SNX13: variants seen among roughly 807,000 people sequenced by gnomAD.
The protein encoded by SNX13 is sorting nexin 13.
Under a neutral mutation model 133.6 loss-of-function variants are expected in SNX13, and 45 were observed. That is an observed-to-expected ratio of 0.34 (90% CI 0.27 to 0.43). The LOEUF (loss-of-function observed/expected upper bound fraction) is 0.43, where lower values mean the gene tolerates loss of function less well. SNX13 is among the 20% of genes least tolerant of loss of function. SNX13 has a pLI of 1.00. For synonymous variants in SNX13, 414 were observed against 373.9 expected, an observed-to-expected ratio of 1.11 and a Z score of -1.24; for missense variants, 1,032 against 1,145.1, an observed-to-expected ratio of 0.90 and a Z score of 1.43.
chr7:17,929,551 T>TCA (rs1162831340), intron 1 of SNX13, among the ~76,000 whole-genome samples: 2 of 152,124 alleles, frequency 1.3e-5, no homozygotes, highest in Admixed American at 1.3e-4. Flanking sequence ...TTAACACTCC[T>TCA]CACCTTTATG....
At chr7:17,901,829 C>T (rs1464532354) in intron 1 of SNX13, among the ~76,000 whole-genome samples, 1 of 152,132 alleles carries the variant, frequency 6.6e-6, no homozygotes, top group Admixed American at 6.5e-5. Flanking sequence ...GATAGTTGTT[C>T]AATTTGTTGT....
chr7:17,866,580 A>G (rs1205899320), intron 9 of SNX13, among the ~76,000 whole-genome samples: 1 of 152,244 alleles, frequency 6.6e-6, no homozygotes, highest in African/African-American at 2.4e-5. Flanking sequence ...AGAATGAAAT[A>G]TTGACTGAGG....
intron 12 of SNX13, among the ~76,000 whole-genome samples, chr7:17,843,753 A>G (rs948372717): frequency 6.6e-6 from 1 of 152,074 alleles, no homozygotes; most frequent in Non-Finnish European, 1.5e-5. Context: ...TTATAAAACA[A>G]TAACAAAATT....
chr7:17,856,000 C>T (rs1791834805), intron 9 of SNX13, among the ~76,000 whole-genome samples: 1 of 152,174 alleles, frequency 6.6e-6, no homozygotes, highest in Non-Finnish European at 1.5e-5. Context: ...CAAATATCAA[C>T]ATTCACAGAA....
At chr7:17,909,014 G>A (rs1406118791) in intron 1 of SNX13, among the ~76,000 whole-genome samples, 6 of 152,044 alleles carry the variant, frequency 3.9e-5, no homozygotes, top group South Asian at 2.1e-4. Flanking sequence ...AGCAAGGAAC[G>A]ATGTTCTGTG....
chr7:17,876,563 A>G (rs1794748000), intron 5 of SNX13, among the ~76,000 whole-genome samples: 1 of 127,918 alleles, frequency 7.8e-6, no homozygotes, highest in Non-Finnish European at 1.6e-5. Context: ...CTGGGAACAG[A>G]GCTATCTCAT....
At chr7:17,915,368 GC>G (rs1023506303) in intron 1 of SNX13, among the ~76,000 whole-genome samples, 103 of 152,296 alleles carry the variant, frequency 6.8e-4, no homozygotes, top group African/African-American at 2.4e-3. Context: ...CCTGATTACA[GC>G]CCCCTGGGCG....
intron 3 of SNX13, among the ~76,000 whole-genome samples, chr7:17,892,507 A>G (rs1422334864): frequency 6.6e-6 from 1 of 151,812 alleles, no homozygotes; most frequent in Non-Finnish European, 1.5e-5. Context: ...TAAGTAAAAA[A>G]AAAAAAATAC....
chr7:17,862,805 G>A (rs773887961), intron 9 of SNX13, among the ~76,000 whole-genome samples: 37 of 152,218 alleles, frequency 2.4e-4, no homozygotes, highest in Admixed American at 5.9e-4. Context: ...GCCAAGTAGA[G>A]CCCTCCAGCG....
At chr7:17,836,442 G>C (rs539479502) in intron 13 of SNX13, among the ~76,000 whole-genome samples, 4 of 152,132 alleles carry the variant, frequency 2.6e-5, no homozygotes, top group Admixed American at 2.0e-4. Context: ...GCCTGAACCT[G>C]GGATGCAAAG....
At chr7:17,900,279 G>A (rs934245305) in intron 1 of SNX13, 5 of 152,364 alleles carry the variant, frequency 3.3e-5, no homozygotes, top group Admixed American at 6.5e-5. Context: ...ACAAAGCACT[G>A]GGTCACACCC....
At chr7:17,803,288 G>C in intron 21 of SNX13, 131 bp downstream of exon 21, 1 of 765,036 alleles carries the variant, frequency 1.3e-6, no homozygotes, top group Non-Finnish European at 1.9e-6. Context: ...TATTCTTTAT[G>C]AGACTATGTG....
At chr7:17,877,655 A>AT (rs1473130642) in intron 5 of SNX13, among the ~76,000 whole-genome samples, 1 of 152,068 alleles carries the variant, frequency 6.6e-6, no homozygotes, top group Non-Finnish European at 1.5e-5. Context: ...TTTAGAAGAC[A>AT]TTTTAAATCC....
rs1783589638 is a variant in SNX13, at chr7:17,791,964, T to TC, written c.*2080_*2081insG. 6.6e-6 allele frequency: 1 copy of TC among 152,094 alleles called. No homozygotes were observed. The highest frequency in any genetic ancestry group is 1.9e-4 in the East Asian group (1 of 5,194). 9.4% of individuals were successfully genotyped at this position (152,094 alleles called of 1,614,324 possible). A position where few individuals can be genotyped will look rare whatever the true frequency, so the allele number is the denominator to read the frequency against. On this transcript the variant is annotated 3_prime_UTR_variant, in exon 26 of 26. Transcript: ENST00000428135. Reference sequence around the variant, plus strand: ...TAAAAATCCATTTACTCAAATAGTTTTTGGTATGATTGCAGTTATCTTGCA... The same window carrying TC: ...TAAAAATCCATTTACTCAAATAGTTTCTTGGTATGATTGCAGTTATCTTGCA...
chr7:17,846,802 C>CTTCAAATTGTATCACCTCT (rs1344127585), intron 11 of SNX13, among the ~76,000 whole-genome samples: 9 of 152,298 alleles, frequency 5.9e-5, no homozygotes, highest in Admixed American at 5.9e-4. Context: ...AGTCTCCCTT[C>CTTCAAATTGTATCACCTCT]TTCAAATTGT....
Position 17,831,463 on chromosome 7 carries a change from A to AAGGAGAG in SNX13, c.1598-1423_1598-1417dup, listed in dbSNP as rs1164506469. 5.2e-6 allele frequency: 5 copies of AAGGAGAG among 962,286 alleles called. No individual in the cohort carries two copies. The African/African-American group carries it at 8.8e-5, about 17-fold the overall frequency. The allele number at this position is 962,286 out of a possible 1,614,324, so 59.6% of individuals were successfully genotyped here. On this transcript the variant is annotated intron_variant, in intron 15 of 25. Transcript: ENST00000428135. The stretch of plus-strand genomic sequence containing the variant: ...AGGGCAAAGGAAGAAATGAGGAGAA[A>AAGGAGAG]AGGAGAGAGGAGAGATAGTAAGCAC...
chr7:17,890,054 G>C (rs959037084), intron 5 of SNX13: 19 of 197,042 alleles, frequency 9.6e-5, no homozygotes, highest in Non-Finnish European at 1.6e-4. Context: ...GGAAGGGGGA[G>C]GGGGGAAGTA....
intron 2 of SNX13, among the ~76,000 whole-genome samples, 196 bp from the exon 3 acceptor site, chr7:17,893,630 A>C (rs978995684): frequency 6.6e-6 from 1 of 152,214 alleles, no homozygotes; most frequent in South Asian, 2.1e-4. Context: ...ACATTTTGTG[A>C]ATTATACAAT....
In SNX13 at chr7:17,873,522, G is replaced by C. The variant is rs753747700; in HGVS notation, c.753+6C>G. 5.1e-6 allele frequency: 8 copies of C among 1,559,936 alleles called. No homozygotes were observed. In the African/African-American group the frequency reaches 9.6e-5, roughly 19 times the overall value. On this transcript the variant is annotated splice_donor_region_variant and intron_variant, in intron 8 of 25. Transcript: ENST00000428135. ...CAGGTATGATATGGTATGAGTTTAA[G>C]CTTACCCTGACAAAGTATCGCATGA...
Sources: allele counts gnomAD v4.1 joint callset (sites outside exome capture counted in the v4.1 genomes callset), GRCh38; gene constraint gnomAD v4.1.1; transcripts MANE v1.5; gene names NCBI Gene and HGNC (gene_info 2026-07-23, HGNC 2026-07-21).